ZNF736: variants seen among roughly 807,000 people sequenced by gnomAD.
The protein encoded by ZNF736 is KRAB-containing zinc-finger repressor protein.
Under a neutral mutation model 11.7 loss-of-function variants are expected in ZNF736, and 6 were observed. The ratio of observed to expected loss-of-function variants is 0.51; its 90% confidence interval spans 0.28 to 1.01. The LOEUF is 1.01. Among genes scored for constraint, ZNF736 ranks in the 50% least tolerant of loss-of-function variants. ZNF736 has a pLI of 0.09. For missense variants in ZNF736, 444 were observed against 496.0 expected, an observed-to-expected ratio of 0.90 and a Z score of 1.00; for synonymous variants, 139 against 164.7, an observed-to-expected ratio of 0.84 and a Z score of 1.19.
chr7:64,322,610 A>ATTTT (rs1202933584), intron 1 of ZNF736, among the ~76,000 whole-genome samples: 1 of 152,208 alleles, frequency 6.6e-6, no homozygotes, highest in Non-Finnish European at 1.5e-5. Context: ...GTTCGCTTTA[A>ATTTT]AAAGGACCTG....
intron 3 of ZNF736, among the ~76,000 whole-genome samples, chr7:64,342,356 A>G (rs185208854): frequency 2.6e-5 from 4 of 152,252 alleles, no homozygotes; most frequent in South Asian, 2.1e-4. Flanking sequence ...GATTAAGTAC[A>G]AGAAAATCTA....
rs192137471 is a variant in ZNF736, at chr7:64,344,683, G to A, written c.227-3407G>A. ...TTTTATATTTTAAATTATATTTATCGATTAATTTGGTAAGGAAAGTTTAAA... is the reference window on the plus strand; with the variant it reads ...TTTTATATTTTAAATTATATTTATCAATTAATTTGGTAAGGAAAGTTTAAA... On this transcript the variant is annotated intron_variant, in intron 3 of 3. Transcript: ENST00000423484. 1.2e-3 allele frequency among the ~76,000 whole-genome samples: 185 copies of A among 152,086 alleles called. 1 individual carries two copies. Among genetic ancestry groups the A allele is most frequent in the Non-Finnish European group, 2.2e-3 (147 of 67,982 alleles).
chr7:64,333,866 A>C (rs1328733338), intron 1 of ZNF736, among the ~76,000 whole-genome samples: 1 of 152,246 alleles, frequency 6.6e-6, no homozygotes, highest in Non-Finnish European at 1.5e-5. Context: ...GCAAAGCTGG[A>C]GGCATCACGC....
At position 64,349,162 on chromosome 7, in the gene ZNF736, C is replaced by T; in HGVS notation, c.*15C>T. 1 of 1,501,168 alleles carries T rather than the reference C, an allele frequency of 6.7e-7. No homozygotes were observed. Among genetic ancestry groups the T allele is most frequent in the Non-Finnish European group, 8.9e-7 (1 of 1,126,776 alleles). 93.0% of individuals were successfully genotyped at this position (1,501,168 alleles called of 1,614,324 possible). ...ACAAGTGTTAAAAATGTGGAAAAGC[C>T]TTTACCAAGTCCTCATACTGTGTTC... On this transcript the variant is annotated 3_prime_UTR_variant, in exon 4 of 4. Coordinates refer to ENST00000423484, the MANE Select transcript of ZNF736 (RefSeq NM_001170905.3).
intron 1 of ZNF736, among the ~76,000 whole-genome samples, chr7:64,315,172 G>A (rs1301412578): frequency 6.6e-6 from 1 of 152,030 alleles, no homozygotes; most frequent in African/African-American, 2.4e-5. Flanking sequence ...AGACGCTGGT[G>A]TTATGCTTTC....
chr7:64,348,988 C>G lies in ZNF736; in HGVS notation c.1125C>G (p.Ser375Arg). ...GACCTTACAAATGTGAAGAATGCAG[C>G]AAAACCTTTAAGTGCTTCTCAGACC... ...EERPYKCEEC[S>R]KTFKCFSDLT... The change falls in exon 4 of 4, where the codon AGC (serine) becomes AGG (arginine). Residue 375 changes from serine to arginine, a missense_variant. Ser to Arg is a moderately radical substitution (Grantham distance 110). Coordinates refer to ENST00000423484, the MANE Select transcript of ZNF736 (RefSeq NM_001170905.3). The G allele has an allele frequency of 6.3e-7, 1 of 1,589,876 alleles. No individual in the cohort carries two copies. Among genetic ancestry groups the G allele is most frequent in the Non-Finnish European group, 8.6e-7 (1 of 1,167,508 alleles).
chr7:64,332,972 CAT>C (rs1392806910), intron 1 of ZNF736, among the ~76,000 whole-genome samples: 4 of 152,128 alleles, frequency 2.6e-5, no homozygotes, highest in East Asian at 1.9e-4. Flanking sequence ...TGTTTAAACA[CAT>C]GTTTTACAAT....
rs1789523981 is a variant in ZNF736, at chr7:64,354,027, C to T, written c.*4880C>T. On this transcript the variant is annotated 3_prime_UTR_variant, in exon 4 of 4. Coordinates refer to ENST00000423484, the MANE Select transcript of ZNF736 (RefSeq NM_001170905.3). Reference sequence around the variant, plus strand: ...ATACTATTGGGTGACAGTGGACTAACATCTCTAGTGATCCCTTTGTCAGTG... The same window carrying T: ...ATACTATTGGGTGACAGTGGACTAATATCTCTAGTGATCCCTTTGTCAGTG... The T allele has an allele frequency of 6.6e-6, 1 of 152,192 alleles. No homozygotes were observed. Among genetic ancestry groups the T allele is most frequent in the East Asian group, 1.9e-4 (1 of 5,196 alleles). The allele number at this position is 152,192 out of a possible 1,614,324, so 9.4% of individuals were successfully genotyped here.
chr7:64,342,998 G>C (rs1344178986), intron 3 of ZNF736, among the ~76,000 whole-genome samples: 2 of 152,024 alleles, frequency 1.3e-5, no homozygotes, highest in Non-Finnish European at 2.9e-5. Context: ...ATACATTAAT[G>C]ACATAATAAG....
chr7:64,336,346 G>A lies in ZNF736; in HGVS notation c.91G>A (p.Asp31Asn). ...LDSAQQRLYRDVMLENYGNLV... is the reference protein window; with the variant it reads ...LDSAQQRLYRNVMLENYGNLV... Reference sequence around the variant, plus strand: ...CTCTGCTCAGCAGCGTTTGTATAGGGATGTGATGTTAGAGAACTATGGAAA... The same window carrying A: ...CTCTGCTCAGCAGCGTTTGTATAGGAATGTGATGTTAGAGAACTATGGAAA... Residue 31 changes from aspartate to asparagine, a missense_variant, in exon 2 of 4, where the codon GAT (aspartate) becomes AAT (asparagine). Asp to Asn is a conservative substitution (Grantham distance 23). Transcript: ENST00000423484. 2 of 1,613,892 alleles carry A rather than the reference G, an allele frequency of 1.2e-6. No individual in the cohort carries two copies. The highest frequency in any genetic ancestry group is 1.7e-6 in the Non-Finnish European group (2 of 1,179,904).
In ZNF736 at chr7:64,316,011, G is replaced by A. The variant is rs144624011; in HGVS notation, c.3+1858G>A. Among the ~76,000 whole-genome samples, 294 of 152,250 alleles carry A rather than the reference G, an allele frequency of 1.9e-3. 1 individual carries two copies. The highest frequency in any genetic ancestry group is 5.8e-3 in the East Asian group (30 of 5,182). On this transcript the variant is annotated intron_variant, in intron 1 of 3. Coordinates refer to ENST00000423484, the MANE Select transcript of ZNF736 (RefSeq NM_001170905.3). Reference sequence around the variant, plus strand: ...ATCTCCTCTCATCTTCTCTAGGCACGCGCGCCTTCCCAGAATGTCTTTGGA... The same window carrying A: ...ATCTCCTCTCATCTTCTCTAGGCACACGCGCCTTCCCAGAATGTCTTTGGA...
At chr7:64,316,126 C>G (rs1788914106) in intron 1 of ZNF736, among the ~76,000 whole-genome samples, 1 of 152,180 alleles carries the variant, frequency 6.6e-6, no homozygotes, top group Non-Finnish European at 1.5e-5. Flanking sequence ...AAGATACCCA[C>G]AAGGACCATA....
chr7:64,320,202 C>T (rs1358054936), intron 1 of ZNF736, among the ~76,000 whole-genome samples: 1 of 152,168 alleles, frequency 6.6e-6, no homozygotes, highest in African/African-American at 2.4e-5. Context: ...CAAAACTTCT[C>T]CTAAGAACAG....
chr7:64,323,675 G>A (rs1190284511), intron 1 of ZNF736, among the ~76,000 whole-genome samples: 4 of 152,124 alleles, frequency 2.6e-5, no homozygotes, highest in South Asian at 2.1e-4. Flanking sequence ...ATACTAATAA[G>A]TGGAAGCTGA....
In ZNF736 at chr7:64,354,034, A is replaced by T. The variant is rs1789524084; in HGVS notation, c.*4887A>T. The T allele has an allele frequency of 1.3e-5, 2 of 152,198 alleles. No individual in the cohort carries two copies. Among genetic ancestry groups the T allele is most frequent in the African/African-American group, 4.8e-5 (2 of 41,462 alleles). 9.4% of individuals were successfully genotyped at this position (152,198 alleles called of 1,614,324 possible). A position where few individuals can be genotyped will look rare whatever the true frequency, so the allele number is the denominator to read the frequency against. ...TGGGTGACAGTGGACTAACATCTCTAGTGATCCCTTTGTCAGTGGTCTTTA... is the reference window on the plus strand; with the variant it reads ...TGGGTGACAGTGGACTAACATCTCTTGTGATCCCTTTGTCAGTGGTCTTTA... On this transcript the variant is annotated 3_prime_UTR_variant, in exon 4 of 4. Coordinates refer to ENST00000423484, the MANE Select transcript of ZNF736 (RefSeq NM_001170905.3).
At chr7:64,336,413 T>A in intron 2 of ZNF736, 28 bp downstream of exon 2, 1 of 1,548,388 alleles carries the variant, frequency 6.5e-7, no homozygotes, top group South Asian at 1.3e-5. Context: ...ATACAACTCA[T>A]ATTCTACATT....
At position 64,332,153 on chromosome 7, in the gene ZNF736, T is replaced by C. The variant is rs139889989; in HGVS notation, c.4-4106T>C. Among the ~76,000 whole-genome samples, 569 of 152,308 alleles carry C rather than the reference T, an allele frequency of 3.7e-3. 3 individuals carry two copies. The highest frequency in any genetic ancestry group is 6.8e-3 in the Middle Eastern group (2 of 292). ...GGTGAATGTGTCTCAGGTCAGAGAC[T>C]GTCCAACTTTTTCTTCTGAAATATC... On this transcript the variant is annotated intron_variant, in intron 1 of 3. Coordinates refer to ENST00000423484, the MANE Select transcript of ZNF736 (RefSeq NM_001170905.3).
intron 3 of ZNF736, among the ~76,000 whole-genome samples, chr7:64,344,313 A>G (rs2115956908): frequency 6.6e-6 from 1 of 152,346 alleles, no homozygotes; most frequent in South Asian, 2.1e-4. Flanking sequence ...AAAAATAAAA[A>G]TTAAAAAATG....
intron 1 of ZNF736, among the ~76,000 whole-genome samples, chr7:64,321,496 T>G (rs1789001035): frequency 6.6e-6 from 1 of 152,200 alleles, no homozygotes; most frequent in Admixed American, 6.5e-5. Flanking sequence ...ACCCAGATTT[T>G]CTGTCTTGAG....
Sources: allele counts gnomAD v4.1 joint callset (sites outside exome capture counted in the v4.1 genomes callset), GRCh38; gene constraint gnomAD v4.1.1; transcripts MANE v1.5; gene names NCBI Gene and HGNC (gene_info 2026-07-23, HGNC 2026-07-21).